Variants in SLC33A2 observed in about 807,000 individuals in gnomAD.
SLC33A2 encodes major facilitator superfamily domain containing 3.
the SLC33A2 span, chr8:144,510,963 C>G: frequency 6.3e-7 from 1 of 1,599,450 alleles, no homozygotes; most frequent in Non-Finnish European, 8.5e-7. Flanking sequence ...GTGGGCCTGA[C>G]CTTGACCGTG....
chr8:144,510,376 C>T, the SLC33A2 span: 2 of 1,612,478 alleles, frequency 1.2e-6, no homozygotes, highest in Admixed American at 1.7e-5. Context: ...AGGGTGCCAG[C>T]AGCCTGTTTC....
At chr8:144,509,738 C>A in the SLC33A2 span, 4 of 1,567,350 alleles carry the variant, frequency 2.6e-6, no homozygotes, top group Admixed American at 1.8e-5. Flanking sequence ...TGGGGCCGGG[C>A]AATACCGTGC....
chr8:144,509,291 C>G, the SLC33A2 span: 2 of 1,425,076 alleles, frequency 1.4e-6, no homozygotes, highest in Non-Finnish European at 1.8e-6. Context: ...CGGGACCCCA[C>G]CTGGAACCCG....
chr8:144,510,269 G>C, the SLC33A2 span: 1 of 1,559,144 alleles, frequency 6.4e-7, no homozygotes. Flanking sequence ...ACACTGAGGA[G>C]AGCAGGGCAG....
the SLC33A2 span, chr8:144,511,177 G>C: frequency 1.3e-5 from 21 of 1,605,946 alleles, no homozygotes; most frequent in Admixed American, 6.7e-5. Context: ...TGAGTGGCTG[G>C]AGTGGTCAAT....
the SLC33A2 span, chr8:144,509,686 C>T: frequency 6.4e-7 from 1 of 1,560,776 alleles, no homozygotes; most frequent in Non-Finnish European, 8.6e-7. Context: ...CAGGATGTGG[C>T]CCTGGACGCG....
chr8:144,509,696 G>A, the SLC33A2 span: 21 of 1,563,506 alleles, frequency 1.3e-5, no homozygotes, highest in East Asian at 2.4e-5. Context: ...CCCTGGACGC[G>A]CTGGCTGTGC....
chr8:144,511,200 G>A, the SLC33A2 span: 17 of 1,594,544 alleles, frequency 1.1e-5, no homozygotes, highest in Middle Eastern at 3.3e-4. Flanking sequence ...AGCCACATGT[G>A]CCTGTGGCCC....
At chr8:144,510,805 C>G in the SLC33A2 span, 1 of 1,611,574 alleles carries the variant, frequency 6.2e-7, no homozygotes, top group Non-Finnish European at 8.5e-7. Flanking sequence ...GTCAGCCTTG[C>G]TGAGCCTATG....
At chr8:144,509,769 G>C in the SLC33A2 span, 2 of 1,559,428 alleles carry the variant, frequency 1.3e-6, no homozygotes, top group Non-Finnish European at 1.7e-6. Flanking sequence ...GTACAAGCTG[G>C]GGGCCGCGCT....
chr8:144,510,790 C>T, the SLC33A2 span: 3 of 1,611,282 alleles, frequency 1.9e-6, no homozygotes, highest in African/African-American at 2.7e-5. Context: ...TTCTGCCCTC[C>T]CAGGGTCAGC....
At chr8:144,510,801 C>A in the SLC33A2 span, 9 of 1,611,438 alleles carry the variant, frequency 5.6e-6, no homozygotes, top group African/African-American at 1.2e-4. Flanking sequence ...CAGGGTCAGC[C>A]TTGCTGAGCC....
chr8:144,510,873 C>G, the SLC33A2 span: 1 of 1,608,296 alleles, frequency 6.2e-7, no homozygotes, highest in East Asian at 2.2e-5. Flanking sequence ...GGATGATGCG[C>G]TGCAGCCAGC....
At chr8:144,510,191 G>A in the SLC33A2 span, 1 of 1,293,832 alleles carries the variant, frequency 7.7e-7, no homozygotes, top group Non-Finnish European at 1.1e-6. Context: ...TCCGCCCCCA[G>A]CTCTAGCCCC....
At chr8:144,510,636 G>A in the SLC33A2 span, 39 of 1,562,138 alleles carry the variant, frequency 2.5e-5, no homozygotes, top group East Asian at 4.5e-5. Context: ...CTGCGCTTCC[G>A]CCTCGGGGGC....
the SLC33A2 span, chr8:144,510,940 G>C: frequency 6.2e-7 from 1 of 1,600,020 alleles, no homozygotes; most frequent in African/African-American, 1.3e-5. Context: ...AGAGACCACG[G>C]GGCTGGGGCT....
the SLC33A2 span, chr8:144,510,538 C>CTGT: frequency 6.2e-7 from 1 of 1,611,808 alleles, no homozygotes; most frequent in Non-Finnish European, 8.5e-7. Flanking sequence ...CCTGCCCACC[C>CTGT]ACTTGTACCT....
At chr8:144,509,849 C>T in the SLC33A2 span, 1 of 1,538,040 alleles carries the variant, frequency 6.5e-7, no homozygotes, top group Non-Finnish European at 8.7e-7. Flanking sequence ...TCCTGGCTGC[C>T]ACCTACTGGC....
the SLC33A2 span, chr8:144,509,997 G>C: frequency 6.3e-7 from 1 of 1,595,914 alleles, no homozygotes. Context: ...GGCAGGCTTT[G>C]TGCTCACCTA....
Sources: allele counts gnomAD v4.1 joint callset, GRCh38; gene constraint gnomAD v4.1.1; transcripts MANE v1.5; gene names NCBI Gene and HGNC (gene_info 2026-07-23, HGNC 2026-07-21).